The following SEMA4D variants were observed in gnomAD, a reference collection of about 807,000 sequenced individuals.
SEMA4D encodes semaphorin-4D.
SEMA4D carries 22 observed loss-of-function variants against 74.8 expected under a neutral mutation model. The observed-to-expected ratio is 0.29, with a 90% CI of 0.21 to 0.42. SEMA4D has a LOEUF of 0.42. SEMA4D is among the 10% of genes least tolerant of loss of function. SEMA4D has a pLI of 1.00. For missense variants in SEMA4D, 937 were observed against 1,118.4 expected, an observed-to-expected ratio of 0.84 and a Z score of 2.31; for synonymous variants, 445 against 463.7, an observed-to-expected ratio of 0.96 and a Z score of 0.52.
chr9:89,435,139 C>T (rs1291932768), intron 2 of SEMA4D, among the ~76,000 whole-genome samples: 1 of 152,228 alleles, frequency 6.6e-6, no homozygotes, highest in Admixed American at 6.5e-5. Flanking sequence ...GGCTGCACAT[C>T]CCCCAGGGCA....
intron 2 of SEMA4D, among the ~76,000 whole-genome samples, chr9:89,429,338 G>C (rs923806580): frequency 6.6e-6 from 1 of 152,212 alleles, no homozygotes; most frequent in African/African-American, 2.4e-5. Flanking sequence ...CAGGGTGAGC[G>C]CCTTCTTGGG....
intron 1 of SEMA4D, among the ~76,000 whole-genome samples, chr9:89,489,050 A>T (rs796511033): frequency 6.6e-5 from 10 of 152,374 alleles, no homozygotes; most frequent in African/African-American, 2.4e-4. Flanking sequence ...CGCTCAACTA[A>T]AACTGCACAG....
At chr9:89,456,398 G>C (rs972184723) in intron 1 of SEMA4D, among the ~76,000 whole-genome samples, 2 of 152,200 alleles carry the variant, frequency 1.3e-5, no homozygotes, top group Non-Finnish European at 2.9e-5. Context: ...GTAGTACAAA[G>C]CTCCAAAACA....
intron 1 of SEMA4D, among the ~76,000 whole-genome samples, chr9:89,466,025 C>G (rs1459511631): frequency 6.6e-6 from 1 of 152,174 alleles, no homozygotes; most frequent in Non-Finnish European, 1.5e-5. Context: ...CACTGGAGCA[C>G]TGGGGCTTGA....
At chr9:89,446,548 A>G (rs1852904311) in intron 2 of SEMA4D, among the ~76,000 whole-genome samples, 2 of 152,222 alleles carry the variant, frequency 1.3e-5, no homozygotes, top group Admixed American at 1.3e-4. Flanking sequence ...TCTCCATGAT[A>G]AGCACCACGG....
chr9:89,372,036 T>C (rs1489012171), intron 16 of SEMA4D, among the ~76,000 whole-genome samples: 1 of 5,790 alleles, frequency 1.7e-4, no homozygotes. Flanking sequence ...TGGTGTGTGT[T>C]GGGGTGTGTG....
chr9:89,455,521 G>A (rs1012279689), intron 2 of SEMA4D, among the ~76,000 whole-genome samples: 1 of 152,186 alleles, frequency 6.6e-6, no homozygotes, highest in Admixed American at 6.5e-5. Context: ...AGTCCAGGCA[G>A]GGGCACCTCC....
At position 89,381,579 on chromosome 9, in the gene SEMA4D, C is replaced by T. The variant is rs539327101; in HGVS notation, c.1447-233G>A. The T allele has an allele frequency of 4.8e-6, 2 of 415,320 alleles. No homozygotes were observed. Among genetic ancestry groups the T allele is most frequent in the Admixed American group, 4.0e-5 (1 of 25,244 alleles). 25.7% of individuals were successfully genotyped at this position (415,320 alleles called of 1,614,324 possible). ...GGCCTTAGGTCCAAATCCCTCTCTC[C>T]CCTGTCTGGGCACCCACAGGTGCCT... On this transcript the variant is annotated intron_variant, in intron 13 of 15. Transcript: ENST00000422704. The surrounding 1 kb of genome is among the most constrained non-coding windows in gnomAD (Gnocchi z 4.6).
At chr9:89,390,949 A>G (rs1383725578) in intron 9 of SEMA4D, among the ~76,000 whole-genome samples, 1 of 152,250 alleles carries the variant, frequency 6.6e-6, no homozygotes, top group Non-Finnish European at 1.5e-5. Flanking sequence ...TAAGAGCCAA[A>G]TGGTGAAATT....
At chr9:89,395,715 G>A (rs1840814833) in intron 6 of SEMA4D, among the ~76,000 whole-genome samples, 1 of 152,128 alleles carries the variant, frequency 6.6e-6, no homozygotes, top group South Asian at 2.1e-4. Context: ...TGTGGTACAG[G>A]CAGCTGGGTA....
intron 2 of SEMA4D, among the ~76,000 whole-genome samples, chr9:89,438,726 C>T (rs190300550): frequency 1.1e-3 from 174 of 151,816 alleles, no homozygotes; most frequent in Non-Finnish European, 2.0e-3. Context: ...AATGCAGTGG[C>T]GCAATCTCGG....
intron 13 of SEMA4D, chr9:89,384,801 T>G: frequency 1.0e-6 from 1 of 985,370 alleles, no homozygotes; most frequent in Non-Finnish European, 1.2e-6. Context: ...GAGAGCCTGA[T>G]GGGGTCAGGC....
chr9:89,366,674 A>G (rs949927752), intron 16 of SEMA4D, among the ~76,000 whole-genome samples: 3 of 152,262 alleles, frequency 2.0e-5, no homozygotes, highest in Non-Finnish European at 2.9e-5. Context: ...GTGCCCATCA[A>G]CTGGGGAATA....
At chr9:89,471,599 A>G (rs936012188) in intron 1 of SEMA4D, among the ~76,000 whole-genome samples, 1 of 114,800 alleles carries the variant, frequency 8.7e-6, no homozygotes, top group Non-Finnish European at 2.1e-5. Flanking sequence ...GATGCATGCC[A>G]GCTCAGGTGC....
At chr9:89,412,933 G>C (rs752503871) in intron 2 of SEMA4D, among the ~76,000 whole-genome samples, 1 of 151,898 alleles carries the variant, frequency 6.6e-6, no homozygotes, top group Non-Finnish European at 1.5e-5. Context: ...CCGGCCCTGC[G>C]AGTTCTTTCA....
chr9:89,462,727 T>C (rs1857544981), intron 1 of SEMA4D, among the ~76,000 whole-genome samples: 1 of 151,482 alleles, frequency 6.6e-6, no homozygotes, highest in Admixed American at 6.6e-5. Context: ...GAAGGATCAC[T>C]TGAAGCCAGG....
chr9:89,411,357 A>G (rs556806906), intron 2 of SEMA4D, among the ~76,000 whole-genome samples: 4 of 152,272 alleles, frequency 2.6e-5, no homozygotes, highest in Admixed American at 6.5e-5. Flanking sequence ...AATTACAACT[A>G]ACTCCACTGG....
Position 89,378,984 on chromosome 9 carries a change from G to C in SEMA4D, c.2309C>G (p.Ala770Gly). The C allele has an allele frequency of 6.2e-7, 1 of 1,613,768 alleles. No individual in the cohort carries two copies. Among genetic ancestry groups the C allele is most frequent in the Non-Finnish European group, 8.5e-7 (1 of 1,179,796 alleles). ...LPRQCLKFRS[A>G]LLIGKKKPKS... ...GGGCTTCTTCTTCCCAATTAGTAGGGCCGAGCGGAATTTCAAGCACTGTCT... is the reference window on the plus strand; with the variant it reads ...GGGCTTCTTCTTCCCAATTAGTAGGCCCGAGCGGAATTTCAAGCACTGTCT... Residue 770 changes from alanine to glycine, a missense_variant, in exon 16 of 16, where the codon GCC (alanine) becomes GGC (glycine). Transcript: ENST00000422704.
intron 3 of SEMA4D, among the ~76,000 whole-genome samples, chr9:89,403,939 C>T (rs940627922): frequency 6.6e-6 from 1 of 152,170 alleles, no homozygotes; most frequent in African/African-American, 2.4e-5. Flanking sequence ...CGAGAAAAAA[C>T]AAAGAGAGTC....
Sources: allele counts gnomAD v4.1 joint callset (sites outside exome capture counted in the v4.1 genomes callset), GRCh38; gene constraint gnomAD v4.1.1; non-coding constraint Gnocchi (gnomAD v3.1); transcripts MANE v1.5; gene names NCBI Gene and HGNC (gene_info 2026-07-23, HGNC 2026-07-21).